DIAPH3: variants seen among roughly 807,000 people sequenced by gnomAD.
The protein encoded by DIAPH3 is diaphanous related formin 3.
Under a neutral mutation model 144.3 loss-of-function variants are expected in DIAPH3, and 117 were observed. The observed-to-expected ratio is 0.81, with a 90% CI of 0.70 to 0.95. The LOEUF (loss-of-function observed/expected upper bound fraction) is 0.95. Among genes scored for constraint, DIAPH3 ranks in the 40% least tolerant of loss-of-function variants. The pLI, the probability that DIAPH3 is intolerant of heterozygous loss-of-function variation, is 0.00. For synonymous variants in DIAPH3, 519 were observed against 488.9 expected (o/e 1.06, Z -0.81); for missense variants, 1,421 against 1,412.7 (o/e 1.01, Z -0.09).
At chr13:59,910,251 G>A (rs142041126) in intron 20 of DIAPH3, among the ~76,000 whole-genome samples, 171 of 151,062 alleles carry the variant, frequency 1.1e-3, no homozygotes, top group African/African-American at 3.9e-3. Context: ...ATTCTCTTAT[G>A]GAAGACATGG....
chr13:60,163,870 CCAAA>C lies in DIAPH3; in HGVS notation c.-108_-105del, dbSNP rs1456787863. On this transcript the variant is annotated 5_prime_UTR_variant, in exon 1 of 28. Transcript: ENST00000400324. ...AGGTTTTACTCCCGGGGTCCGCCAC[CCAAA>C]CAGTCAGCACAGCCTAGCCCAACCG... 2.0e-4 allele frequency: 284 copies of C among 1,408,460 alleles called. No homozygotes were observed. Among genetic ancestry groups the C allele is most frequent in the East Asian group, 1.5e-3 (58 of 39,262 alleles). The allele number at this position is 1,408,460 out of a possible 1,614,324, so 87.2% of individuals were successfully genotyped here.
intron 9 of DIAPH3, among the ~76,000 whole-genome samples, chr13:60,004,564 C>A (rs1265492838): frequency 6.6e-6 from 1 of 152,090 alleles, no homozygotes; most frequent in East Asian, 1.9e-4. Flanking sequence ...AAGCCTTCAA[C>A]AAAATATTTG....
At chr13:60,149,274 A>C (rs927159866) in intron 1 of DIAPH3, among the ~76,000 whole-genome samples, 1 of 152,336 alleles carries the variant, frequency 6.6e-6, no homozygotes, top group African/African-American at 2.4e-5. Context: ...AGGAGAAACA[A>C]TGAAGAATGG....
At chr13:60,041,186 G>T (rs2055642075) in intron 5 of DIAPH3, among the ~76,000 whole-genome samples, 1 of 151,930 alleles carries the variant, frequency 6.6e-6, no homozygotes, top group Non-Finnish European at 1.5e-5. Context: ...GGACACCAAA[G>T]CTCTTCATTT....
intron 4 of DIAPH3, among the ~76,000 whole-genome samples, chr13:60,071,046 ATTTTTAT>A (rs1034248533): frequency 1.3e-5 from 2 of 152,236 alleles, no homozygotes; most frequent in Admixed American, 1.3e-4. Flanking sequence ...AACATGCAAA[ATTTTTAT>A]TCTCACTTCC....
At chr13:59,924,523 GTT>G (rs537212129) in intron 18 of DIAPH3, among the ~76,000 whole-genome samples, 1 of 140,790 alleles carries the variant, frequency 7.1e-6, no homozygotes, top group Admixed American at 7.1e-5. Context: ...AAGAGTAGCT[GTT>G]TTTTTTTTTC....
chr13:60,147,917 G>A (rs1320062622), intron 1 of DIAPH3, among the ~76,000 whole-genome samples: 4 of 140,874 alleles, frequency 2.8e-5, no homozygotes, highest in Admixed American at 7.7e-5. Context: ...ACCCAAGAAC[G>A]AGAGCCAAGG....
chr13:59,840,072 A>G (rs935793735), intron 22 of DIAPH3, among the ~76,000 whole-genome samples: 8 of 152,178 alleles, frequency 5.3e-5, no homozygotes, highest in Non-Finnish European at 1.2e-4. Flanking sequence ...GCACTGTGTC[A>G]CTATGAGAAT....
intron 5 of DIAPH3, among the ~76,000 whole-genome samples, chr13:60,038,443 C>T (rs528252105): frequency 5.3e-5 from 8 of 152,072 alleles, no homozygotes; most frequent in South Asian, 4.1e-4. Flanking sequence ...AGATCAACTC[C>T]GAAATCAAGA....
At chr13:59,723,102 T>A (rs2035424740) in intron 27 of DIAPH3, among the ~76,000 whole-genome samples, 1 of 152,122 alleles carries the variant, frequency 6.6e-6, no homozygotes, top group Admixed American at 6.5e-5. Flanking sequence ...GACTAATGGG[T>A]GTGAACTCTT....
chr13:59,972,797 T>C (rs2050462412), intron 15 of DIAPH3, among the ~76,000 whole-genome samples: 1 of 152,196 alleles, frequency 6.6e-6, no homozygotes, highest in African/African-American at 2.4e-5. Flanking sequence ...GGCCAGACAC[T>C]GTGACTATCT....
At chr13:60,107,581 T>C (rs2058456734) in intron 3 of DIAPH3, among the ~76,000 whole-genome samples, 1 of 152,180 alleles carries the variant, frequency 6.6e-6, no homozygotes, top group African/African-American at 2.4e-5. Context: ...AAAGCCAATG[T>C]ATGTATTAAA....
chr13:59,987,294 GA>G (rs1189351706), intron 12 of DIAPH3, among the ~76,000 whole-genome samples: 1 of 149,804 alleles, frequency 6.7e-6, no homozygotes, highest in East Asian at 2.0e-4. Flanking sequence ...ATGGACACAT[GA>G]AGGGGAATAT....
chr13:60,093,451 AGAT>A (rs1450102096), intron 4 of DIAPH3, among the ~76,000 whole-genome samples, 174 bp downstream of exon 4: 1 of 152,210 alleles, frequency 6.6e-6, no homozygotes, highest in Non-Finnish European at 1.5e-5. Flanking sequence ...AAAAGTTTTA[AGAT>A]GAGAAATATT....
At chr13:60,061,145 A>T (rs1256709732) in intron 4 of DIAPH3, among the ~76,000 whole-genome samples, 1 of 152,154 alleles carries the variant, frequency 6.6e-6, no homozygotes, top group African/African-American at 2.4e-5. Flanking sequence ...ACCAGGTCTT[A>T]AAAGACCAGG....
At chr13:59,926,324 G>A (rs1425737583) in intron 17 of DIAPH3, among the ~76,000 whole-genome samples, 1 of 151,932 alleles carries the variant, frequency 6.6e-6, no homozygotes, top group Non-Finnish European at 1.5e-5. Flanking sequence ...ATTTAGTTCT[G>A]CTCTGAACTT....
At chr13:60,039,872 A>T (rs2055507012) in intron 5 of DIAPH3, among the ~76,000 whole-genome samples, 1 of 152,196 alleles carries the variant, frequency 6.6e-6, no homozygotes, top group Non-Finnish European at 1.5e-5. Context: ...TCACAGGCAT[A>T]ACTTCCAAGT....
intron 27 of DIAPH3, among the ~76,000 whole-genome samples, chr13:59,699,387 T>G (rs912163967): frequency 1.8e-4 from 28 of 152,076 alleles, no homozygotes; most frequent in African/African-American, 6.7e-4. Context: ...TGAAGGGGAG[T>G]GAGCCAGGGC....
intron 24 of DIAPH3, among the ~76,000 whole-genome samples, chr13:59,811,736 CAAA>C (rs59712985): frequency 5.3e-4 from 30 of 56,768 alleles, no homozygotes; most frequent in African/African-American, 1.7e-3. Context: ...GACTCTGTCT[CAAA>C]AAAAAAAAAA....
Sources: allele counts gnomAD v4.1 joint callset (sites outside exome capture counted in the v4.1 genomes callset), GRCh38; gene constraint gnomAD v4.1.1; transcripts MANE v1.5; gene names NCBI Gene and HGNC (gene_info 2026-07-23, HGNC 2026-07-21).